The following CDKAL1 variants were observed in gnomAD, a reference collection of about 807,000 sequenced individuals.
The protein encoded by CDKAL1 is CDKAL1 threonylcarbamoyladenosine tRNA methylthiotransferase, also known as threonylcarbamoyladenosine tRNA methylthiotransferase.
A neutral mutation model predicts 68.2 loss-of-function variants in CDKAL1; 32 were observed. The ratio of observed to expected loss-of-function variants is 0.47; its 90% CI spans 0.35 to 0.63. The LOEUF is 0.63. CDKAL1 is among the 30% of genes least tolerant of loss of function. The pLI is 0.00. For missense variants in CDKAL1, 606 were observed against 696.7 expected (o/e 0.87, Z 1.47); for synonymous variants, 234 against 244.3 (o/e 0.96, Z 0.39).
intron 11 of CDKAL1, among the ~76,000 whole-genome samples, chr6:21,002,222 G>T (rs9350311): frequency 0.6 from 90,993 of 151,994 alleles, 27,508 homozygotes; most frequent in East Asian, 0.84. Flanking sequence ...GGGTCCTTTC[G>T]TTGGATTCTG....
chr6:21,057,894 T>C (rs9465954), intron 11 of CDKAL1, among the ~76,000 whole-genome samples: 79,081 of 151,976 alleles, frequency 0.52, 21,283 homozygotes, highest in African/African-American at 0.65. Flanking sequence ...TTATGATTTC[T>C]GTTCTTTTGC....
At chr6:20,876,845 T>C (rs994973283) in intron 9 of CDKAL1, among the ~76,000 whole-genome samples, 8 of 152,100 alleles carry the variant, frequency 5.3e-5, no homozygotes, top group Non-Finnish European at 7.4e-5. Context: ...CTTTATGATA[T>C]ACACACACAC....
chr6:20,794,869 A>G (rs575474304), intron 8 of CDKAL1, among the ~76,000 whole-genome samples: 1 of 152,168 alleles, frequency 6.6e-6, no homozygotes, highest in Non-Finnish European at 1.5e-5. Flanking sequence ...GGTCTGCAAG[A>G]CATCATAAAA....
At chr6:20,773,625 G>A (rs2150365384) in intron 7 of CDKAL1, among the ~76,000 whole-genome samples, 1 of 152,028 alleles carries the variant, frequency 6.6e-6, no homozygotes, top group Admixed American at 6.5e-5. Flanking sequence ...TCGGCTCACT[G>A]CAAGCTCCAC....
At chr6:20,584,401 T>C (rs1220259772) in intron 4 of CDKAL1, among the ~76,000 whole-genome samples, 1 of 151,688 alleles carries the variant, frequency 6.6e-6, no homozygotes, top group Non-Finnish European at 1.5e-5. Flanking sequence ...AAAATAGGAG[T>C]GAGTAGTCAC....
intron 10 of CDKAL1, among the ~76,000 whole-genome samples, chr6:20,978,922 T>C (rs1395616690): frequency 6.6e-6 from 1 of 152,222 alleles, no homozygotes; most frequent in Non-Finnish European, 1.5e-5. Context: ...TGCCTCATTA[T>C]GTGACCTCCT....
chr6:21,168,256 G>C (rs770412804), intron 13 of CDKAL1, among the ~76,000 whole-genome samples: 2 of 152,178 alleles, frequency 1.3e-5, no homozygotes, highest in Non-Finnish European at 2.9e-5. Context: ...TCCTCCTCCT[G>C]AGAACCAGAT....
At chr6:21,106,842 T>G (rs1773869509) in intron 12 of CDKAL1, among the ~76,000 whole-genome samples, 1 of 152,114 alleles carries the variant, frequency 6.6e-6, no homozygotes, top group African/African-American at 2.4e-5. Flanking sequence ...TAGTAATCAA[T>G]GTTTGTGTTT....
rs143351054 is a variant in CDKAL1, at chr6:21,045,652, G to A, written c.1056-19396G>A. 3.2e-4 allele frequency among the ~76,000 whole-genome samples: 49 copies of A among 152,302 alleles called. No homozygotes were observed. In the East Asian group the frequency reaches 5.2e-3, roughly 16 times the overall value. On this transcript the variant is annotated intron_variant, in intron 11 of 15. Coordinates refer to ENST00000274695, the MANE Select transcript of CDKAL1 (RefSeq NM_017774.3). ...CCTGGCTAAAACAGTAAATGCATAA[G>A]TAAAGCACTAGGAGTCAGAGATCCT...
At chr6:20,885,056 A>G (rs1168895829) in intron 9 of CDKAL1, among the ~76,000 whole-genome samples, 1 of 152,254 alleles carries the variant, frequency 6.6e-6, no homozygotes, top group Admixed American at 6.5e-5. Context: ...GTTCAGGGAT[A>G]GGAATACTTA....
chr6:21,157,252 A>T (rs1776691173), intron 13 of CDKAL1, among the ~76,000 whole-genome samples: 1 of 152,118 alleles, frequency 6.6e-6, no homozygotes, highest in Admixed American at 6.6e-5. Context: ...AAAGTCACCA[A>T]CTCAGTTCCT....
intron 13 of CDKAL1, among the ~76,000 whole-genome samples, chr6:21,178,508 A>G (rs1345497658): frequency 1.3e-5 from 2 of 152,190 alleles, no homozygotes; most frequent in African/African-American, 4.8e-5. Flanking sequence ...TTTTCTTAAC[A>G]TTTATTTTTA....
intron 12 of CDKAL1, among the ~76,000 whole-genome samples, chr6:21,093,924 G>A (rs1582184795): frequency 7.0e-6 from 1 of 143,536 alleles, no homozygotes; most frequent in Admixed American, 7.3e-5. Context: ...TAGAGACAGG[G>A]TCTTACTATC....
At chr6:20,884,080 T>A (rs570367625) in intron 9 of CDKAL1, among the ~76,000 whole-genome samples, 17 of 152,172 alleles carry the variant, frequency 1.1e-4, no homozygotes, top group African/African-American at 3.9e-4. Flanking sequence ...TATTAACAAA[T>A]CAAATTCAAC....
intron 12 of CDKAL1, among the ~76,000 whole-genome samples, chr6:21,065,763 A>G (rs1055346681): frequency 4.6e-5 from 7 of 151,212 alleles, no homozygotes; most frequent in Non-Finnish European, 2.9e-5. Context: ...TAGATGACTC[A>G]TAATGAATGT....
intron 9 of CDKAL1, among the ~76,000 whole-genome samples, chr6:20,888,249 G>C (rs1581768465): frequency 6.6e-6 from 1 of 151,990 alleles, no homozygotes; most frequent in East Asian, 1.9e-4. Context: ...CCTTGCGATA[G>C]TTTGCTCAGA....
chr6:21,084,489 G>C (rs75175221), intron 12 of CDKAL1, among the ~76,000 whole-genome samples: 1 of 152,076 alleles, frequency 6.6e-6, no homozygotes, highest in Non-Finnish European at 1.5e-5. Context: ...GGGGGAATTC[G>C]TAGGTCATAA....
chr6:20,671,921 T>C (rs1212185029), intron 5 of CDKAL1, among the ~76,000 whole-genome samples: 1 of 152,170 alleles, frequency 6.6e-6, no homozygotes, highest in Non-Finnish European at 1.5e-5. Flanking sequence ...TAGCACTATT[T>C]ACTAAAAATT....
At chr6:21,192,268 G>T (rs897440321) in intron 13 of CDKAL1, among the ~76,000 whole-genome samples, 1 of 151,088 alleles carries the variant, frequency 6.6e-6, no homozygotes, top group Non-Finnish European at 1.5e-5. Flanking sequence ...TGATCCACCC[G>T]CCTCGGCCTC....
Sources: allele counts gnomAD v4.1 joint callset (sites outside exome capture counted in the v4.1 genomes callset), GRCh38; gene constraint gnomAD v4.1.1; transcripts MANE v1.5; gene names NCBI Gene and HGNC (gene_info 2026-07-23, HGNC 2026-07-21).